Variants in PCDH7 observed in about 807,000 individuals in gnomAD.
PCDH7 encodes the protein protocadherin-7.
Under a neutral mutation model 58.9 loss-of-function variants are expected in PCDH7, and 17 were observed. That is an observed-to-expected ratio of 0.29 (90% confidence interval 0.20 to 0.43). The LOEUF is 0.43. Ranked by LOEUF, PCDH7 falls within the 20% of genes least tolerant of loss-of-function variation. The probability of loss-of-function intolerance (pLI) is 1.00; values close to 1 mark genes in which losing one functional copy is unlikely to be tolerated. For missense variants in PCDH7, 1,274 were observed against 1,441.0 expected, an observed-to-expected ratio of 0.88 and a Z score of 1.88; for synonymous variants, 664 against 616.4, an observed-to-expected ratio of 1.08 and a Z score of -1.14.
chr4:31,021,109 C>T (rs1228557823), intron 3 of PCDH7, among the ~76,000 whole-genome samples: 1 of 152,138 alleles, frequency 6.6e-6, no homozygotes, highest in Non-Finnish European at 1.5e-5. Flanking sequence ...TAAGATAAAA[C>T]TGTGCATGGG....
At chr4:30,834,036 G>T (rs1014931513) in intron 1 of PCDH7, among the ~76,000 whole-genome samples, 2 of 152,150 alleles carry the variant, frequency 1.3e-5, no homozygotes, top group African/African-American at 4.8e-5. Flanking sequence ...CTTTAAAAAT[G>T]TGCCATTTTC....
At chr4:30,877,389 C>G (rs752114740) in intron 1 of PCDH7, among the ~76,000 whole-genome samples, 48 of 152,238 alleles carry the variant, frequency 3.2e-4, no homozygotes, top group Non-Finnish European at 6.0e-4. Flanking sequence ...ATTACTCTGG[C>G]ACCTCGTAGT....
chr4:30,943,128 T>C (rs776656176), intron 2 of PCDH7, among the ~76,000 whole-genome samples: 1 of 152,032 alleles, frequency 6.6e-6, no homozygotes, highest in Admixed American at 6.6e-5. Flanking sequence ...TTTCTATTTT[T>C]AAATCACTTT....
intron 3 of PCDH7, among the ~76,000 whole-genome samples, chr4:31,005,092 T>C (rs1752665301): frequency 6.6e-6 from 1 of 152,240 alleles, no homozygotes; most frequent in East Asian, 1.9e-4. Flanking sequence ...TAGTTAAGCG[T>C]ATGTGGCCTC....
intron 3 of PCDH7, among the ~76,000 whole-genome samples, chr4:31,031,187 T>C (rs1297758142): frequency 6.6e-6 from 1 of 152,174 alleles, no homozygotes. Flanking sequence ...GATTAAACAG[T>C]GATTCTCAAT....
In PCDH7 at chr4:30,722,176, C is replaced by A; in HGVS notation, c.754C>A (p.Pro252Thr). Residue 252 changes from proline to threonine, a missense_variant, in exon 1 of 2, where the codon CCG becomes ACG. Physicochemically the swap from Pro to Thr is conservative, Grantham distance 38 (BLOSUM62 -1). Coordinates refer to ENST00000361762, the Ensembl canonical transcript of PCDH7. The surrounding 1 kb of genome is among the most constrained non-coding windows in gnomAD (Gnocchi z 7.6). Reference sequence around the variant, plus strand: ...GTTCGAGCTGCAGGTGGCGGACACCCCGGACGGCGAGAAGCAGCCGCAGCT... The same window carrying A: ...GTTCGAGCTGCAGGTGGCGGACACCACGGACGGCGAGAAGCAGCCGCAGCT... 6.4e-7 allele frequency: 1 copy of A among 1,550,606 alleles called. No individual in the cohort carries two copies. Among genetic ancestry groups the A allele is most frequent in the Non-Finnish European group, 8.7e-7 (1 of 1,148,968 alleles).
chr4:30,930,121 A>G (rs1744387704), intron 2 of PCDH7, among the ~76,000 whole-genome samples: 1 of 152,314 alleles, frequency 6.6e-6, no homozygotes, highest in Non-Finnish European at 1.5e-5. Flanking sequence ...GAGAGGCATT[A>G]TATGGAGAGA....
chr4:31,005,139 C>T (rs1752668965), intron 3 of PCDH7, among the ~76,000 whole-genome samples: 1 of 152,128 alleles, frequency 6.6e-6, no homozygotes, highest in Non-Finnish European at 1.5e-5. Context: ...AATGGTTTAT[C>T]TTGTAAAAGT....
intron 1 of PCDH7, among the ~76,000 whole-genome samples, chr4:30,725,993 A>G (rs1049371700): frequency 6.6e-6 from 1 of 152,078 alleles, no homozygotes; most frequent in Non-Finnish European, 1.5e-5. Flanking sequence ...TTCAAACTAC[A>G]TTTGCATTAA....
At chr4:31,076,229 T>C (rs1758980600) in intron 3 of PCDH7, among the ~76,000 whole-genome samples, 1 of 152,214 alleles carries the variant, frequency 6.6e-6, no homozygotes, top group South Asian at 2.1e-4. Context: ...ATCAAGTTTA[T>C]GTTGCCAATG....
At chr4:31,078,530 C>A (rs1759194998) in intron 3 of PCDH7, among the ~76,000 whole-genome samples, 1 of 150,148 alleles carries the variant, frequency 6.7e-6, no homozygotes, top group African/African-American at 2.5e-5. Context: ...GATATGCTGC[C>A]CAGGCTGGTC....
intron 1 of PCDH7, among the ~76,000 whole-genome samples, chr4:30,757,593 C>T (rs139002935): frequency 1.6e-3 from 248 of 152,292 alleles, no homozygotes; most frequent in Non-Finnish European, 2.2e-3. Flanking sequence ...CTCCATTTCT[C>T]AGAAACACAC....
intron 3 of PCDH7, among the ~76,000 whole-genome samples, chr4:30,952,023 C>T (rs1256003750): frequency 6.6e-6 from 1 of 152,182 alleles, no homozygotes; most frequent in East Asian, 1.9e-4. Context: ...CCCTTCCCTT[C>T]ACCCATACTT....
At chr4:30,787,464 CA>C (rs1361813728) in intron 1 of PCDH7, among the ~76,000 whole-genome samples, 1 of 152,154 alleles carries the variant, frequency 6.6e-6, no homozygotes, top group East Asian at 1.9e-4. Flanking sequence ...CTTGTTGAAA[CA>C]TAACTTATGA....
chr4:30,907,903 T>C (rs1002496356), intron 1 of PCDH7, among the ~76,000 whole-genome samples: 1 of 152,170 alleles, frequency 6.6e-6, no homozygotes, highest in African/African-American at 2.4e-5. Context: ...ATATACACCA[T>C]GGAATACTAT....
At chr4:31,078,042 T>G (rs550262074) in intron 3 of PCDH7, among the ~76,000 whole-genome samples, 1 of 152,258 alleles carries the variant, frequency 6.6e-6, no homozygotes, top group African/African-American at 2.4e-5. Context: ...CTTATAGCTG[T>G]TTTTACTTCT....
chr4:30,849,910 C>T (rs1236901942), intron 1 of PCDH7, among the ~76,000 whole-genome samples: 1 of 152,120 alleles, frequency 6.6e-6, no homozygotes, highest in Non-Finnish European at 1.5e-5. Flanking sequence ...CAAAATTCTT[C>T]TCTTGAAAGA....
At chr4:30,897,263 CAA>C (rs1028863990) in intron 1 of PCDH7, among the ~76,000 whole-genome samples, 6 of 152,116 alleles carry the variant, frequency 3.9e-5, no homozygotes, top group African/African-American at 1.4e-4. Context: ...AGAGACTATA[CAA>C]ACATTGAAAG....
In PCDH7 at chr4:30,722,191, C is replaced by A; in HGVS notation, c.769C>A (p.Gln257Lys). 1 of 1,568,786 alleles carries A rather than the reference C, an allele frequency of 6.4e-7. No homozygotes were observed. The highest frequency in any genetic ancestry group is 8.6e-7 in the Non-Finnish European group (1 of 1,157,860). The stretch of plus-strand genomic sequence containing the variant: ...GGCGGACACCCCGGACGGCGAGAAG[C>A]AGCCGCAGCTGATCGTGAAGGGGGC... Residue 257 changes from glutamine to lysine, a missense_variant, in exon 1 of 2, where the codon CAG becomes AAG. This residue lies in a region of PCDH7 where 331 missense variants were observed against 303.2 expected (regional missense o/e 1.09). Transcript: ENST00000361762. This position sits in a 1 kb window ranked among gnomAD's most constrained non-coding sequence, Gnocchi z 7.6.
Sources: gnomAD v4.1 joint callset for allele counts (sites outside exome capture counted in the v4.1 genomes callset) on GRCh38, gnomAD v4.1.1 for gene constraint, gnomAD v4.1.1 regional missense constraint, Gnocchi (gnomAD v3.1) non-coding constraint, MANE v1.5 for transcripts, NCBI Gene and HGNC (gene_info 2026-07-23, HGNC 2026-07-21) for gene names.